The following FAM117A variants were observed in gnomAD, a reference collection of about 807,000 sequenced individuals.
FAM117A encodes family with sequence similarity 117 member A, also known as protein FAM117A.
FAM117A carries 21 observed loss-of-function variants against 44.1 expected under a neutral mutation model. The observed-to-expected ratio is 0.48, with a 90% confidence interval of 0.34 to 0.69. The LOEUF (loss-of-function observed/expected upper bound fraction) is 0.69, where lower values mean the gene tolerates loss of function less well. FAM117A is among the 30% of genes least tolerant of loss of function. The pLI, the probability that FAM117A is intolerant of heterozygous loss-of-function variation, is 0.01. For missense variants in FAM117A, 498 were observed against 589.9 expected (o/e 0.84, Z 1.61); for synonymous variants, 220 against 238.3 (o/e 0.92, Z 0.71).
intron 1 of FAM117A, among the ~76,000 whole-genome samples, chr17:49,784,412 G>A (rs773732123): frequency 1.3e-5 from 2 of 152,134 alleles, no homozygotes; most frequent in Admixed American, 6.5e-5. Context: ...TAAAATGCAT[G>A]TCTGACTGGC....
chr17:49,717,564 C>T lies in FAM117A; in HGVS notation c.859G>A (p.Glu287Lys). The change falls in exon 6 of 8, where the codon GAG becomes AAG. Residue 287 changes from glutamate to lysine, a missense_variant. This residue lies in a region of FAM117A where 224 missense variants were observed against 296.5 expected (regional missense o/e 0.76). Transcript: ENST00000240364. ...TCCTCGGCGGCACCCCGATGTTCCT[C>T]ATGACTGGCCAGGCCACAAGGCTGG... ...SPQPCGLASH[E>K]EHRGAAEELA... 1 of 1,614,154 alleles carries T rather than the reference C, an allele frequency of 6.2e-7. No homozygotes were observed.
chr17:49,721,892 C>G (rs1030289121), intron 3 of FAM117A, among the ~76,000 whole-genome samples: 1 of 151,840 alleles, frequency 6.6e-6, no homozygotes, highest in Non-Finnish European at 1.5e-5. Context: ...GAGTTCAGGA[C>G]CACCCTGGCC....
At chr17:49,732,991 C>T (rs3826438) in intron 1 of FAM117A, 5,473 of 414,942 alleles carry the variant, frequency 0.013, 166 homozygotes, top group East Asian at 0.1. Context: ...TATCCTTTTC[C>T]TGCTCCTAAT....
At chr17:49,789,040 A>G (rs1197633655), upstream of FAM117A, 7 of 449,432 alleles carry the variant, frequency 1.6e-5, no homozygotes, top group African/African-American at 8.2e-5. Flanking sequence ...CTATGCTTGC[A>G]ACTATTCCCG....
intron 1 of FAM117A, among the ~76,000 whole-genome samples, chr17:49,763,495 C>G (rs898597833): frequency 2.0e-5 from 3 of 151,486 alleles, no homozygotes; most frequent in Non-Finnish European, 4.4e-5. Flanking sequence ...CAGCGCCCAC[C>G]GACTCCTGCT....
chr17:49,785,236 C>T (rs943949529), intron 1 of FAM117A, among the ~76,000 whole-genome samples: 5 of 152,154 alleles, frequency 3.3e-5, no homozygotes, highest in African/African-American at 4.8e-5. Context: ...TGTCCAAGGC[C>T]GGGCATGGCT....
intron 5 of FAM117A, among the ~76,000 whole-genome samples, chr17:49,718,710 C>T (rs1364588115): frequency 1.3e-5 from 2 of 151,444 alleles, no homozygotes; most frequent in Non-Finnish European, 2.9e-5. Context: ...GAGACCAGCA[C>T]GGTGGCTCAC....
At chr17:49,744,454 G>A (rs1267570481) in intron 1 of FAM117A, among the ~76,000 whole-genome samples, 3 of 150,990 alleles carry the variant, frequency 2.0e-5, no homozygotes, top group Non-Finnish European at 4.4e-5. Flanking sequence ...CGGGTAGCTG[G>A]GACAACAGGT....
At chr17:49,753,267 T>C (rs549101191) in intron 1 of FAM117A, among the ~76,000 whole-genome samples, 2 of 152,326 alleles carry the variant, frequency 1.3e-5, no homozygotes, top group East Asian at 1.9e-4. Flanking sequence ...CAGGTGGCAG[T>C]GGATGCCAGC....
chr17:49,781,584 C>T lies in FAM117A; in HGVS notation c.-621+6913G>A, dbSNP rs185463396. Among the ~76,000 whole-genome samples, 97 of 152,298 alleles carry T rather than the reference C, an allele frequency of 6.4e-4. 2 individuals are homozygous for T. The highest frequency in any genetic ancestry group is 1.0e-3 in the Non-Finnish European group (71 of 68,024). ...ACTCCACAACAGGAGAATGAGAGCA[C>T]ATTACATCATAGCACCACAGTGCAA... On this transcript the variant is annotated intron_variant, in intron 1 of 7. Transcript: ENST00000513602.
At chr17:49,774,136 C>T (rs1426023817) in intron 1 of FAM117A, among the ~76,000 whole-genome samples, 1 of 152,156 alleles carries the variant, frequency 6.6e-6, no homozygotes, top group Non-Finnish European at 1.5e-5. Flanking sequence ...AACTCATTAA[C>T]TCTGGTATTT....
At chr17:49,776,941 C>G (rs1281612443) in intron 1 of FAM117A, among the ~76,000 whole-genome samples, 1 of 152,180 alleles carries the variant, frequency 6.6e-6, no homozygotes, top group Non-Finnish European at 1.5e-5. Context: ...ACCAAAAATT[C>G]AAAAGAGAAA....
At chr17:49,725,777 T>G (rs1184857351) in intron 2 of FAM117A, among the ~76,000 whole-genome samples, 1 of 152,222 alleles carries the variant, frequency 6.6e-6, no homozygotes, top group Non-Finnish European at 1.5e-5. Context: ...TATAGTAACG[T>G]TTTTGCAGAT....
intron 1 of FAM117A, among the ~76,000 whole-genome samples, chr17:49,738,583 CAG>C (rs2073620255): frequency 6.6e-6 from 1 of 152,170 alleles, no homozygotes; most frequent in South Asian, 2.1e-4. Flanking sequence ...AATGAAGAGA[CAG>C]CTGGGCCTCA....
Position 49,720,371 on chromosome 17 carries a change from T to G in FAM117A, c.528A>C (p.Arg176=). The part of the protein sequence containing the change: ...KLSRSGKEKE[R]GSPLLGDHAV... ...CGTGGTCCCCTAGGAGTGGTGAACC[T>G]CGCTCCTTCTCTTTCCCACTGCGGC... is the stretch of plus-strand genomic sequence containing the variant. Residue 176 remains arginine (R), a synonymous_variant, in exon 4 of 8, where the codon CGA becomes CGC. Coordinates refer to ENST00000240364, the MANE Select transcript of FAM117A (RefSeq NM_030802.4). 6.2e-7 allele frequency: 1 copy of G among 1,613,912 alleles called. No homozygotes were observed. The highest frequency in any genetic ancestry group is 8.5e-7 in the Non-Finnish European group (1 of 1,180,000).
intron 1 of FAM117A, among the ~76,000 whole-genome samples, chr17:49,752,881 T>G (rs989045434): frequency 3.3e-5 from 5 of 151,904 alleles, no homozygotes; most frequent in African/African-American, 1.2e-4. Flanking sequence ...TTTTTTTTTT[T>G]GAGACAGAGT....
chr17:49,774,363 CTTT>C (rs71146936), intron 1 of FAM117A, among the ~76,000 whole-genome samples: 1 of 144,222 alleles, frequency 6.9e-6, no homozygotes, highest in Non-Finnish European at 1.5e-5. Flanking sequence ...CCAGGCTGGT[CTTT>C]TTTTTTTTTT....
At chr17:49,766,838 G>T (rs1380030903), upstream of FAM117A, among the ~76,000 whole-genome samples, 2 of 152,180 alleles carry the variant, frequency 1.3e-5, no homozygotes, top group Non-Finnish European at 2.9e-5. Context: ...ACACATTATC[G>T]TACAGATGCT....
At chr17:49,729,740 G>T (rs1402387106) in intron 2 of FAM117A, among the ~76,000 whole-genome samples, 2 of 151,996 alleles carry the variant, frequency 1.3e-5, no homozygotes, top group Non-Finnish European at 2.9e-5. Context: ...TCCTGACCTT[G>T]TGATCTGCCC....
Sources: allele counts gnomAD v4.1 joint callset (sites outside exome capture counted in the v4.1 genomes callset), GRCh38; gene constraint gnomAD v4.1.1; regional missense constraint gnomAD v4.1.1; transcripts MANE v1.5; gene names NCBI Gene and HGNC (gene_info 2026-07-23, HGNC 2026-07-21).